Variants in CDH13 observed in about 807,000 individuals in gnomAD.
CDH13 encodes cadherin-13.
Under a neutral mutation model 63.8 loss-of-function variants are expected in CDH13, and 24 were observed. The observed-to-expected ratio is 0.38, with a 90% CI of 0.27 to 0.53. The LOEUF is 0.53. Ranked by LOEUF, CDH13 falls within the 20% of genes least tolerant of loss-of-function variation. CDH13 has a pLI of 0.85. For synonymous variants in CDH13, 503 were observed against 355.3 expected, an observed-to-expected ratio of 1.42 and a Z score of -4.67; for missense variants, 1,049 against 903.1, an observed-to-expected ratio of 1.16 and a Z score of -2.07.
intron 7 of CDH13, among the ~76,000 whole-genome samples, chr16:83,544,231 A>G (rs774534940): frequency 6.6e-6 from 1 of 152,184 alleles, no homozygotes; most frequent in Non-Finnish European, 1.5e-5. Flanking sequence ...ACCCAATGTC[A>G]TATAGGGTGG....
At chr16:82,788,666 A>G (rs1315589427) in intron 1 of CDH13, among the ~76,000 whole-genome samples, 4 of 152,214 alleles carry the variant, frequency 2.6e-5, no homozygotes, top group African/African-American at 9.6e-5. Context: ...AACAGCCAGC[A>G]TTTGTGAATT....
chr16:83,606,964 G>T (rs1333091416), intron 8 of CDH13, among the ~76,000 whole-genome samples: 1 of 151,966 alleles, frequency 6.6e-6, no homozygotes, highest in Non-Finnish European at 1.5e-5. Context: ...AACTTCCCCA[G>T]AAGACTAAGT....
At chr16:83,289,761 TA>T (rs2089419925) in intron 5 of CDH13, among the ~76,000 whole-genome samples, 1 of 152,192 alleles carries the variant, frequency 6.6e-6, no homozygotes, top group Non-Finnish European at 1.5e-5. Context: ...ATGGGGATAA[TA>T]ATTTCCTTTC....
At chr16:83,782,205 C>T (rs952419652) in intron 12 of CDH13, among the ~76,000 whole-genome samples, 2 of 151,954 alleles carry the variant, frequency 1.3e-5, no homozygotes, top group African/African-American at 4.8e-5. Flanking sequence ...TGTTTATTCC[C>T]AGAAAGGGGC....
chr16:82,703,924 G>A (rs914741075), intron 1 of CDH13, among the ~76,000 whole-genome samples: 8 of 152,136 alleles, frequency 5.3e-5, no homozygotes, highest in Non-Finnish European at 8.8e-5. Context: ...TGTGGCATCC[G>A]TGTTATAGAC....
chr16:82,806,104 G>C (rs1035460703), intron 1 of CDH13, among the ~76,000 whole-genome samples: 2 of 152,110 alleles, frequency 1.3e-5, no homozygotes, highest in Non-Finnish European at 2.9e-5. Context: ...CAAGCTCAAG[G>C]GTGATTGAGT....
chr16:83,233,093 A>G (rs1317100873), intron 5 of CDH13, among the ~76,000 whole-genome samples: 2 of 152,100 alleles, frequency 1.3e-5, no homozygotes, highest in Non-Finnish European at 2.9e-5. Flanking sequence ...GTCCCTTGAG[A>G]TTGTCTGCAT....
intron 8 of CDH13, among the ~76,000 whole-genome samples, chr16:83,610,134 C>T (rs1908721925): frequency 6.6e-6 from 1 of 152,040 alleles, no homozygotes; most frequent in African/African-American, 2.4e-5. Context: ...GACATTTAGG[C>T]AGTTTCAGTT....
chr16:83,456,477 G>A (rs566561629), intron 6 of CDH13, among the ~76,000 whole-genome samples: 11 of 152,292 alleles, frequency 7.2e-5, no homozygotes, highest in East Asian at 3.9e-4. Flanking sequence ...TAGAATGCAC[G>A]GGGAACCCTG....
At chr16:82,663,598 T>C (rs1448314629) in intron 1 of CDH13, among the ~76,000 whole-genome samples, 1 of 152,226 alleles carries the variant, frequency 6.6e-6, no homozygotes, top group Non-Finnish European at 1.5e-5. Flanking sequence ...TCATTCTTTG[T>C]CTAAAAAGTT....
At chr16:82,690,768 G>C (rs1346582967) in intron 1 of CDH13, among the ~76,000 whole-genome samples, 1 of 152,262 alleles carries the variant, frequency 6.6e-6, no homozygotes, top group Non-Finnish European at 1.5e-5. Context: ...AGCACACCTG[G>C]CCTGGCACAA....
chr16:83,502,298 G>C (rs1250583317), intron 7 of CDH13, among the ~76,000 whole-genome samples: 3 of 152,150 alleles, frequency 2.0e-5, no homozygotes, highest in African/African-American at 7.2e-5. Flanking sequence ...CTGGGTTGGA[G>C]ATTTAAAGAT....
intron 7 of CDH13, among the ~76,000 whole-genome samples, chr16:83,551,513 G>T (rs2075497153): frequency 6.6e-6 from 1 of 152,196 alleles, no homozygotes. Context: ...CTTCATGTCA[G>T]TGCTCACATT....
chr16:83,578,253 CA>C (rs1905228508), intron 7 of CDH13, among the ~76,000 whole-genome samples: 1 of 152,146 alleles, frequency 6.6e-6, no homozygotes, highest in Non-Finnish European at 1.5e-5. Context: ...TTGACTTGCT[CA>C]AATCCTGTAA....
At chr16:83,340,762 T>C (rs574673292) in intron 5 of CDH13, among the ~76,000 whole-genome samples, 3 of 152,146 alleles carry the variant, frequency 2.0e-5, no homozygotes, top group Non-Finnish European at 4.4e-5. Flanking sequence ...AGATGTGTAA[T>C]TGCTCGGAGT....
intron 5 of CDH13, among the ~76,000 whole-genome samples, chr16:83,296,475 A>T (rs1353459137): frequency 6.6e-6 from 1 of 152,162 alleles, no homozygotes; most frequent in Non-Finnish European, 1.5e-5. Context: ...CGTATTTGGA[A>T]AGGGGAGAGG....
intron 5 of CDH13, among the ~76,000 whole-genome samples, chr16:83,318,527 G>T (rs1277986980): frequency 6.6e-6 from 1 of 152,174 alleles, no homozygotes; most frequent in East Asian, 1.9e-4. Context: ...GATTCTGTCT[G>T]CTACACGTAA....
At chr16:82,951,263 C>G (rs76385816) in intron 2 of CDH13, among the ~76,000 whole-genome samples, 3 of 152,256 alleles carry the variant, frequency 2.0e-5, no homozygotes, top group Admixed American at 2.0e-4. Context: ...CACCCCATCC[C>G]AATCTCTGGA....
At chr16:83,320,914 A>G (rs564296744) in intron 5 of CDH13, among the ~76,000 whole-genome samples, 1 of 152,370 alleles carries the variant, frequency 6.6e-6, no homozygotes, top group Non-Finnish European at 1.5e-5. Flanking sequence ...CCTGAGAAGA[A>G]GAAAAGAATC....
Sources: gnomAD v4.1 joint callset for allele counts (sites outside exome capture counted in the v4.1 genomes callset) on GRCh38, gnomAD v4.1.1 for gene constraint, MANE v1.5 for transcripts, NCBI Gene and HGNC (gene_info 2026-07-23, HGNC 2026-07-21) for gene names.